FRMD4A: variants seen among roughly 807,000 people sequenced by gnomAD.
FRMD4A encodes FERM domain containing 4A.
FRMD4A carries 29 observed loss-of-function variants against 129.1 expected under a neutral mutation model. The observed-to-expected ratio is 0.22, with a 90% CI of 0.17 to 0.31. FRMD4A has a LOEUF of 0.31. Among genes scored for constraint, FRMD4A ranks in the 10% least tolerant of loss-of-function variants. FRMD4A has a pLI of 1.00. For synonymous variants in FRMD4A, 634 were observed against 571.6 expected, an observed-to-expected ratio of 1.11 and a Z score of -1.56; for missense variants, 1,272 against 1,375.8, an observed-to-expected ratio of 0.92 and a Z score of 1.19.
At chr10:13,838,134 G>A (rs1304020446) in intron 3 of FRMD4A, among the ~76,000 whole-genome samples, 1 of 152,106 alleles carries the variant, frequency 6.6e-6, no homozygotes, top group Non-Finnish European at 1.5e-5. Flanking sequence ...TGTTGCCCAG[G>A]CCTGAGTGCA....
Position 13,646,387 on chromosome 10 carries a change from C to T in FRMD4A, c.*651G>A, listed in dbSNP as rs41291329. On this transcript the variant is annotated 3_prime_UTR_variant, in exon 25 of 25. Coordinates refer to ENST00000357447, the MANE Select transcript of FRMD4A (RefSeq NM_018027.5). Reference sequence around the variant, plus strand: ...TGGTCCTCCGATGCATTTCTGGTGTCGAGAACTTCCTTTCTCAACCTCCCC... The same window carrying T: ...TGGTCCTCCGATGCATTTCTGGTGTTGAGAACTTCCTTTCTCAACCTCCCC... The T allele has an allele frequency of 6.3e-3, 967 of 152,690 alleles. 1 individual carries two copies. The highest frequency in any genetic ancestry group is 8.7e-3 in the Non-Finnish European group (593 of 68,042). The allele number at this position is 152,690 out of a possible 1,614,324, so 9.5% of individuals were successfully genotyped here. A position where few individuals can be genotyped will look rare whatever the true frequency, so the allele number is the denominator to read the frequency against.
rs921453819 is a variant in FRMD4A, at chr10:13,646,975, C to G, written c.*63G>C. ...GCTTGGCTTTTTCCTGCCCGTACCA[C>G]TGGACATCAGCTAGTTCTGGATAGA... On this transcript the variant is annotated 3_prime_UTR_variant, in exon 25 of 25. Transcript: ENST00000357447. 1.0e-6 allele frequency: 1 copy of G among 984,690 alleles called. No homozygotes were observed. Among genetic ancestry groups the G allele is most frequent in the Non-Finnish European group, 1.2e-6 (1 of 828,994 alleles). The allele number at this position is 984,690 out of a possible 1,614,324, so 61.0% of individuals were successfully genotyped here.
At chr10:13,917,024 G>T (rs147508349) in intron 2 of FRMD4A, among the ~76,000 whole-genome samples, 22 of 152,312 alleles carry the variant, frequency 1.4e-4, no homozygotes, top group South Asian at 2.1e-4. Flanking sequence ...GCTCACCGAA[G>T]TTTTGGCTCT....
intron 2 of FRMD4A, among the ~76,000 whole-genome samples, chr10:14,114,669 A>G (rs1337291200): frequency 6.6e-6 from 1 of 152,192 alleles, no homozygotes; most frequent in Non-Finnish European, 1.5e-5. Flanking sequence ...CAGCTATCAG[A>G]TGAAAGAGAG....
intron 2 of FRMD4A, among the ~76,000 whole-genome samples, chr10:13,916,222 G>A (rs1440575878): frequency 1.3e-5 from 2 of 152,206 alleles, no homozygotes; most frequent in South Asian, 2.1e-4. Context: ...GGGTCTCAGG[G>A]AGCCCCGCTC....
intron 2 of FRMD4A, among the ~76,000 whole-genome samples, chr10:14,285,161 GAGTA>G (rs1845643027): frequency 6.6e-6 from 1 of 152,204 alleles, no homozygotes; most frequent in South Asian, 2.1e-4. Flanking sequence ...TTTCATATTA[GAGTA>G]AGTGACACCG....
At chr10:13,957,269 G>A (rs1039591614) in intron 2 of FRMD4A, among the ~76,000 whole-genome samples, 4 of 151,648 alleles carry the variant, frequency 2.6e-5, no homozygotes, top group African/African-American at 9.7e-5. Flanking sequence ...TTTGTTTTTT[G>A]TGAGACAGAG....
At chr10:14,259,186 G>C (rs1292906557) in intron 2 of FRMD4A, among the ~76,000 whole-genome samples, 1 of 152,144 alleles carries the variant, frequency 6.6e-6, no homozygotes, top group Non-Finnish European at 1.5e-5. Context: ...AACAGTAACA[G>C]AATCATAAAA....
intron 6 of FRMD4A, among the ~76,000 whole-genome samples, chr10:13,771,580 G>A (rs2092454968): frequency 6.6e-6 from 1 of 152,218 alleles, no homozygotes; most frequent in Non-Finnish European, 1.5e-5. Flanking sequence ...CATCGGCTAT[G>A]TGCCTAGTAC....
At chr10:14,161,877 T>A (rs1378485640) in intron 2 of FRMD4A, among the ~76,000 whole-genome samples, 1 of 152,166 alleles carries the variant, frequency 6.6e-6, no homozygotes, top group Non-Finnish European at 1.5e-5. Context: ...GATTTGATCA[T>A]TACACATTGT....
At chr10:14,250,294 A>T (rs984471289) in intron 2 of FRMD4A, among the ~76,000 whole-genome samples, 1 of 152,134 alleles carries the variant, frequency 6.6e-6, no homozygotes, top group Admixed American at 6.5e-5. Flanking sequence ...TCCTCATAAA[A>T]ACTGTGCCCA....
intron 2 of FRMD4A, among the ~76,000 whole-genome samples, chr10:14,123,687 C>T (rs1185061067): frequency 1.3e-5 from 2 of 152,222 alleles, no homozygotes; most frequent in Non-Finnish European, 2.9e-5. Context: ...CTTTCAGAGC[C>T]TTCAAGAATC....
At chr10:13,897,015 A>G (rs1207167379) in intron 2 of FRMD4A, among the ~76,000 whole-genome samples, 4 of 152,230 alleles carry the variant, frequency 2.6e-5, no homozygotes, top group African/African-American at 9.7e-5. Context: ...TTGAAGAGAT[A>G]AAATTTTTAT....
At chr10:14,201,315 C>G (rs1380264664) in intron 2 of FRMD4A, among the ~76,000 whole-genome samples, 1 of 152,178 alleles carries the variant, frequency 6.6e-6, no homozygotes, top group Non-Finnish European at 1.5e-5. Context: ...ACCCAGTTAG[C>G]AATGATTTAT....
At chr10:13,843,048 G>A (rs1369830006) in intron 3 of FRMD4A, among the ~76,000 whole-genome samples, 3 of 152,158 alleles carry the variant, frequency 2.0e-5, no homozygotes, top group Non-Finnish European at 4.4e-5. Flanking sequence ...GCTGCATCAC[G>A]CTGCCTCTAC....
At chr10:14,207,686 C>CCA (rs56740311) in intron 2 of FRMD4A, among the ~76,000 whole-genome samples, 14,333 of 145,822 alleles carry the variant, frequency 0.098, 789 homozygotes, top group East Asian at 0.2. Flanking sequence ...TCCTAGGTAA[C>CCA]CACACACACA....
At chr10:14,127,912 T>A (rs190763328) in intron 2 of FRMD4A, among the ~76,000 whole-genome samples, 1 of 3,462 alleles carries the variant, frequency 2.9e-4, no homozygotes, top group Non-Finnish European at 8.7e-4. Context: ...TTTGCTTTCT[T>A]TCTTTCTTTC....
At chr10:13,654,996 TTC>T (rs1195201574) in intron 22 of FRMD4A, 1 of 161,730 alleles carries the variant, frequency 6.2e-6, no homozygotes, top group Non-Finnish European at 1.4e-5. Context: ...TCCAGAAAGG[TTC>T]TCAGAGCCTG....
chr10:13,910,932 G>C (rs947554172), intron 2 of FRMD4A, among the ~76,000 whole-genome samples: 1 of 135,768 alleles, frequency 7.4e-6, no homozygotes, highest in African/African-American at 2.9e-5. Flanking sequence ...AAAAAGTCTA[G>C]TGGTTTGAAA....
Sources: allele counts gnomAD v4.1 joint callset (sites outside exome capture counted in the v4.1 genomes callset), GRCh38; gene constraint gnomAD v4.1.1; transcripts MANE v1.5; gene names NCBI Gene and HGNC (gene_info 2026-07-23, HGNC 2026-07-21).